The following GRIK1 variants were observed in gnomAD, a reference collection of about 807,000 sequenced individuals.
The protein encoded by GRIK1 is glutamate receptor ionotropic, kainate 1.
A neutral mutation model predicts 105.7 loss-of-function variants in GRIK1; 69 were observed. That is an observed-to-expected ratio of 0.65 (90% CI 0.54 to 0.80). The LOEUF is 0.80. Ranked by LOEUF, GRIK1 falls within the 30% of genes least tolerant of loss-of-function variation. The probability of loss-of-function intolerance (pLI) is 0.00; values close to 1 mark genes in which losing one functional copy is unlikely to be tolerated. For missense variants in GRIK1, 1,109 were observed against 1,167.3 expected, an observed-to-expected ratio of 0.95 and a Z score of 0.73; for synonymous variants, 438 against 431.3, an observed-to-expected ratio of 1.02 and a Z score of -0.19.
Position 29,939,471 on chromosome 21 carries a change from G to A in GRIK1, c.30C>T (p.Pro10=), listed in dbSNP as rs1049039471. 6.3e-7 allele frequency: 1 copy of A among 1,598,968 alleles called. No homozygotes were observed. Among genetic ancestry groups the A allele is most frequent in the Non-Finnish European group, 8.5e-7 (1 of 1,172,588 alleles). Residue 10 remains proline, a synonymous_variant, in exon 1 of 18, where the codon CCC becomes CCT. Coordinates refer to ENST00000327783, the MANE Select transcript of GRIK1 (RefSeq NM_001330994.2). MEHGTLLAQ[P]GLWTRDTSWA... is the part of the protein sequence containing the mutation. ...AGCTGGTGTCCCTGGTCCAGAGCCC[G>A]GGCTGGGCGAGGAGTGTGCCGTGCT...
chr21:29,776,043 G>A (rs1363913637), intron 1 of GRIK1, among the ~76,000 whole-genome samples: 1 of 152,190 alleles, frequency 6.6e-6, no homozygotes, highest in Admixed American at 6.5e-5. Flanking sequence ...CAAGGTGGCA[G>A]GAAGGAGAAT....
intron 7 of GRIK1, among the ~76,000 whole-genome samples, chr21:29,624,846 CTTG>C (rs1374384753): frequency 1.9e-3 from 296 of 152,330 alleles, no homozygotes; most frequent in Non-Finnish European, 3.1e-3. Context: ...GTGGAGAGGG[CTTG>C]CCCTCCTTCT....
At chr21:29,764,397 G>A (rs2065606402) in intron 1 of GRIK1, among the ~76,000 whole-genome samples, 1 of 152,144 alleles carries the variant, frequency 6.6e-6, no homozygotes, top group Non-Finnish European at 1.5e-5. Context: ...CAGATGCTGG[G>A]ACTGTCTCTA....
intron 1 of GRIK1, among the ~76,000 whole-genome samples, chr21:29,761,743 T>C (rs2145695844): frequency 7.5e-6 from 1 of 132,990 alleles, no homozygotes; most frequent in Non-Finnish European, 1.6e-5. Context: ...TTCTTTCTCT[T>C]TCTTTCGTTC....
At chr21:29,843,913 T>C (rs894968250) in intron 1 of GRIK1, among the ~76,000 whole-genome samples, 1 of 152,214 alleles carries the variant, frequency 6.6e-6, no homozygotes, top group Admixed American at 6.5e-5. Context: ...CACAGACTCC[T>C]ACTTGGAGGG....
intron 2 of GRIK1, among the ~76,000 whole-genome samples, chr21:29,691,452 A>G (rs2063583008): frequency 6.6e-6 from 1 of 152,216 alleles, no homozygotes; most frequent in African/African-American, 2.4e-5. Context: ...GATTTCCAGA[A>G]GTTAAGTTAC....
chr21:29,680,497 C>T (rs1315702169), intron 3 of GRIK1, among the ~76,000 whole-genome samples: 2 of 152,230 alleles, frequency 1.3e-5, no homozygotes, highest in Admixed American at 1.3e-4. Flanking sequence ...GTAGAGTGTA[C>T]AGTGATTCTT....
chr21:29,679,640 C>T (rs563967555), intron 3 of GRIK1, among the ~76,000 whole-genome samples: 9 of 152,194 alleles, frequency 5.9e-5, no homozygotes, highest in Non-Finnish European at 1.2e-4. Context: ...CCACCTATAA[C>T]CTGTTTCAGG....
intron 1 of GRIK1, among the ~76,000 whole-genome samples, chr21:29,908,656 T>C (rs1245244679): frequency 6.6e-6 from 1 of 152,224 alleles, no homozygotes; most frequent in African/African-American, 2.4e-5. Context: ...CTGGTCAATG[T>C]GATTCATTGT....
chr21:29,853,125 G>A (rs1458416705), intron 1 of GRIK1, among the ~76,000 whole-genome samples: 1 of 152,060 alleles, frequency 6.6e-6, no homozygotes, highest in Non-Finnish European at 1.5e-5. Context: ...TTCTCTACTG[G>A]CAAAATATTT....
chr21:29,630,400 C>A (rs1203910394), intron 7 of GRIK1: 4 of 416,416 alleles, frequency 9.6e-6, no homozygotes, highest in Non-Finnish European at 1.9e-5. Flanking sequence ...TTTTGCGATG[C>A]AATTAGGTAT....
intron 7 of GRIK1, among the ~76,000 whole-genome samples, chr21:29,604,128 C>T (rs1009094278): frequency 6.6e-6 from 1 of 152,076 alleles, no homozygotes; most frequent in Non-Finnish European, 1.5e-5. Flanking sequence ...CTATTGTGTC[C>T]GTTTGTTTGG....
intron 1 of GRIK1, among the ~76,000 whole-genome samples, chr21:29,911,511 A>C (rs145528707): frequency 2.7e-3 from 404 of 152,150 alleles, no homozygotes; most frequent in Non-Finnish European, 4.2e-3. Context: ...AAACCTATAA[A>C]GTTGATATCG....
At chr21:29,926,380 C>T (rs1306869611) in intron 1 of GRIK1, among the ~76,000 whole-genome samples, 2 of 152,120 alleles carry the variant, frequency 1.3e-5, no homozygotes, top group Non-Finnish European at 2.9e-5. Context: ...TAGTTGATTA[C>T]TACTTCTCAT....
chr21:29,669,297 T>C (rs192084683), intron 4 of GRIK1, among the ~76,000 whole-genome samples: 1 of 152,132 alleles, frequency 6.6e-6, no homozygotes, highest in Admixed American at 6.5e-5. Context: ...CATTAAAAGG[T>C]GAGAAAATAT....
At chr21:29,872,395 A>G (rs1250165630) in intron 1 of GRIK1, among the ~76,000 whole-genome samples, 2 of 151,792 alleles carry the variant, frequency 1.3e-5, no homozygotes, top group Non-Finnish European at 2.9e-5. Flanking sequence ...GGGTTTCATC[A>G]TGTTAGCCAG....
intron 4 of GRIK1, among the ~76,000 whole-genome samples, chr21:29,668,344 C>T (rs1247516321): frequency 1.3e-5 from 2 of 152,148 alleles, no homozygotes; most frequent in African/African-American, 4.8e-5. Flanking sequence ...AGCTTCCTCT[C>T]TTTTATCTCT....
chr21:29,715,957 A>G (rs567812186), intron 1 of GRIK1, among the ~76,000 whole-genome samples: 23 of 151,870 alleles, frequency 1.5e-4, no homozygotes, highest in Non-Finnish European at 3.2e-4. Context: ...CATAATCCCT[A>G]TGTGTGGTGG....
intron 1 of GRIK1, among the ~76,000 whole-genome samples, chr21:29,840,963 G>A (rs955189562): frequency 2.6e-5 from 4 of 152,050 alleles, no homozygotes; most frequent in African/African-American, 9.7e-5. Context: ...CTTAGCAACT[G>A]GATGATTACA....
Sources: allele counts gnomAD v4.1 joint callset (sites outside exome capture counted in the v4.1 genomes callset), GRCh38; gene constraint gnomAD v4.1.1; transcripts MANE v1.5; gene names NCBI Gene and HGNC (gene_info 2026-07-23, HGNC 2026-07-21).